CNTN4: variants seen among roughly 807,000 people sequenced by gnomAD.
CNTN4 encodes contactin 4.
A neutral mutation model predicts 122.5 loss-of-function variants in CNTN4; 77 were observed. That is an observed-to-expected ratio of 0.63 (90% CI 0.52 to 0.76). CNTN4 has a LOEUF of 0.76. Ranked by LOEUF, CNTN4 falls within the 30% of genes least tolerant of loss-of-function variation. CNTN4 has a pLI of 0.00. For missense variants in CNTN4, 1,256 were observed against 1,259.1 expected, an observed-to-expected ratio of 1.00 and a Z score of 0.04; for synonymous variants, 512 against 447.0, an observed-to-expected ratio of 1.15 and a Z score of -1.83.
chr3:2,293,281 A>G (rs936424872), intron 2 of CNTN4, among the ~76,000 whole-genome samples: 3 of 152,242 alleles, frequency 2.0e-5, no homozygotes, highest in East Asian at 1.9e-4. Flanking sequence ...TAGTAGTACT[A>G]TCTTATACTG....
intron 4 of CNTN4, among the ~76,000 whole-genome samples, chr3:2,608,549 A>G (rs570219625): frequency 3.9e-5 from 6 of 152,280 alleles, no homozygotes; most frequent in Admixed American, 6.5e-5. Context: ...TCGGCTTACT[A>G]CAACCTCTGC....
chr3:2,542,184 A>T (rs183629616), intron 3 of CNTN4, among the ~76,000 whole-genome samples: 10 of 152,258 alleles, frequency 6.6e-5, no homozygotes, highest in Non-Finnish European at 1.3e-4. Context: ...TCTTGATAAG[A>T]TCAGCAAAGA....
chr3:2,909,844 A>G (rs1367874010), intron 12 of CNTN4, among the ~76,000 whole-genome samples: 3 of 152,196 alleles, frequency 2.0e-5, no homozygotes, highest in Admixed American at 6.5e-5. Context: ...TATATTTCTA[A>G]CAAGTGATGT....
intron 3 of CNTN4, among the ~76,000 whole-genome samples, chr3:2,363,965 C>G (rs1248299433): frequency 3.3e-5 from 5 of 152,140 alleles, no homozygotes; most frequent in African/African-American, 9.7e-5. Context: ...TATATGATCT[C>G]TTCTTAACAA....
At chr3:2,713,930 A>C (rs957413878) in intron 4 of CNTN4, among the ~76,000 whole-genome samples, 3 of 152,206 alleles carry the variant, frequency 2.0e-5, no homozygotes, top group Admixed American at 6.5e-5. Context: ...CCAGATGATG[A>C]TAATACCTTC....
At chr3:2,261,507 A>C (rs1360240998) in intron 2 of CNTN4, among the ~76,000 whole-genome samples, 1 of 152,192 alleles carries the variant, frequency 6.6e-6, no homozygotes, top group Admixed American at 6.6e-5. Flanking sequence ...AAAGCTGTCC[A>C]GAAGAGAGAT....
intron 3 of CNTN4, among the ~76,000 whole-genome samples, chr3:2,370,382 G>C (rs2045586895): frequency 6.6e-6 from 1 of 152,136 alleles, no homozygotes; most frequent in Non-Finnish European, 1.5e-5. Context: ...ATCATAAAAT[G>C]GTCATGAAAA....
chr3:2,813,762 G>T lies in CNTN4; in HGVS notation c.359-5724G>T, dbSNP rs139458698. Among the ~76,000 whole-genome samples, 611 of 152,050 alleles carry T rather than the reference G, an allele frequency of 4.0e-3. 5 individuals carry two copies. The highest frequency in any genetic ancestry group is 0.014 in the African/African-American group (590 of 41,490). ...CTCTAGACTATAATCAGGTATTTAT[G>T]GTAAGATACTTCTTCCCCAGCTCTA... On this transcript the variant is annotated intron_variant, in intron 6 of 24. Transcript: ENST00000418658.
intron 3 of CNTN4, among the ~76,000 whole-genome samples, chr3:2,516,493 G>A (rs1293517799): frequency 3.3e-5 from 5 of 152,000 alleles, no homozygotes; most frequent in Non-Finnish European, 7.4e-5. Flanking sequence ...GACTTGAGAT[G>A]TTCAATTCAA....
chr3:3,017,882 C>T (rs778411406), intron 14 of CNTN4, among the ~76,000 whole-genome samples: 18 of 152,174 alleles, frequency 1.2e-4, no homozygotes, highest in African/African-American at 9.7e-5. Flanking sequence ...GTAGCAATAA[C>T]GGAACCACCT....
At chr3:2,325,316 G>C (rs1187925494) in intron 2 of CNTN4, among the ~76,000 whole-genome samples, 2 of 152,050 alleles carry the variant, frequency 1.3e-5, no homozygotes, top group African/African-American at 4.8e-5. Context: ...TTTTCCCATT[G>C]AACATGCTAT....
chr3:2,594,825 T>C (rs1305079270), intron 4 of CNTN4, among the ~76,000 whole-genome samples: 1 of 152,200 alleles, frequency 6.6e-6, no homozygotes, highest in Non-Finnish European at 1.5e-5. Context: ...CATGTGTATA[T>C]GTTTGCATTT....
At chr3:2,451,448 T>TA (rs35229464) in intron 3 of CNTN4, among the ~76,000 whole-genome samples, 51 of 144,388 alleles carry the variant, frequency 3.5e-4, no homozygotes, top group Non-Finnish European at 5.3e-4. Flanking sequence ...GGGGAGGTCT[T>TA]AAAAAAAAAA....
At chr3:2,825,443 C>G (rs1379797895) in intron 7 of CNTN4, among the ~76,000 whole-genome samples, 1 of 152,006 alleles carries the variant, frequency 6.6e-6, no homozygotes, top group Non-Finnish European at 1.5e-5. Context: ...AGGCTGGTCT[C>G]AAACTCCTGA....
chr3:2,785,274 A>C (rs760429812), intron 6 of CNTN4, among the ~76,000 whole-genome samples: 1 of 152,148 alleles, frequency 6.6e-6, no homozygotes, highest in Non-Finnish European at 1.5e-5. Context: ...TTCCAGTCCA[A>C]GTCTGAATGC....
chr3:2,688,527 G>A (rs2085557819), intron 4 of CNTN4, among the ~76,000 whole-genome samples: 1 of 152,194 alleles, frequency 6.6e-6, no homozygotes, highest in South Asian at 2.1e-4. Flanking sequence ...GGTGGTAGAA[G>A]GACAGGGATA....
rs74728499 is a variant in CNTN4, at chr3:2,251,651, A to G, written c.-144-87527A>G. 2.6e-5 allele frequency among the ~76,000 whole-genome samples: 4 copies of G among 152,004 alleles called. No homozygotes were observed. In the East Asian group the frequency reaches 7.7e-4, roughly 29 times the overall value. On this transcript the variant is annotated intron_variant, in intron 2 of 24. Transcript: ENST00000418658. ...GTTATTTAATTTAGCCCTTATTATA[A>G]CATATTATGTAGTCTCTTAGGGTGG...
intron 2 of CNTN4, among the ~76,000 whole-genome samples, chr3:2,208,634 C>G (rs141629154): frequency 7.9e-5 from 12 of 152,226 alleles, no homozygotes; most frequent in African/African-American, 2.6e-4. Flanking sequence ...GGGTCAAATG[C>G]TTTCAAACAG....
At chr3:2,638,450 C>T (rs561975792) in intron 4 of CNTN4, among the ~76,000 whole-genome samples, 8 of 151,720 alleles carry the variant, frequency 5.3e-5, no homozygotes, top group Admixed American at 3.9e-4. Context: ...AAGAAAGTTG[C>T]GGTTTACAAA....
Sources: allele counts gnomAD v4.1 joint callset (sites outside exome capture counted in the v4.1 genomes callset), GRCh38; gene constraint gnomAD v4.1.1; transcripts MANE v1.5; gene names NCBI Gene and HGNC (gene_info 2026-07-23, HGNC 2026-07-21).